Variants in SEMA3A observed in about 807,000 individuals in gnomAD.
SEMA3A encodes the protein semaphorin 3A, also known as semaphorin-3A.
Under a neutral mutation model 97.9 loss-of-function variants are expected in SEMA3A, and 29 were observed. The observed-to-expected ratio is 0.30, with a 90% confidence interval of 0.22 to 0.40. The LOEUF (loss-of-function observed/expected upper bound fraction) is 0.40, where lower values mean the gene tolerates loss of function less well. SEMA3A is among the 10% of genes least tolerant of loss of function. SEMA3A has a pLI of 1.00. For synonymous variants in SEMA3A, 321 were observed against 323.7 expected (o/e 0.99, Z 0.09); for missense variants, 763 against 951.3 (o/e 0.80, Z 2.60).
At chr7:84,346,083 A>G (rs1041516772) in intron 2 of SEMA3A, among the ~76,000 whole-genome samples, 1 of 152,150 alleles carries the variant, frequency 6.6e-6, no homozygotes, top group African/African-American at 2.4e-5. Context: ...TTCACCTTAC[A>G]CTTGTAAGTT....
At chr7:84,224,724 A>G (rs956329545) in intron 3 of SEMA3A, among the ~76,000 whole-genome samples, 2 of 151,970 alleles carry the variant, frequency 1.3e-5, no homozygotes, top group Non-Finnish European at 2.9e-5. Context: ...TTGTCACATC[A>G]CCCACTGGGA....
At chr7:83,981,257 T>G in intron 14 of SEMA3A, 64 bp downstream of exon 14, 1 of 1,563,466 alleles carries the variant, frequency 6.4e-7, no homozygotes, top group Non-Finnish European at 8.7e-7. Context: ...AGAAAGCTAT[T>G]TCAAACTTGG....
At chr7:84,212,262 C>T (rs1332941736) in intron 3 of SEMA3A, among the ~76,000 whole-genome samples, 4 of 152,076 alleles carry the variant, frequency 2.6e-5, no homozygotes, top group Non-Finnish European at 5.9e-5. Context: ...TATTTTCTGT[C>T]CTAGAAGTTT....
At chr7:84,474,543 A>T (rs1231134860) in intron 1 of SEMA3A, among the ~76,000 whole-genome samples, 1 of 152,124 alleles carries the variant, frequency 6.6e-6, no homozygotes, top group African/African-American at 2.4e-5. Flanking sequence ...TGTATCCTCT[A>T]GGTAGGTGTA....
rs74763981 is a variant in SEMA3A at position 84,288,422 on chromosome 7, A to G, written c.-83+18785T>C. Among the ~76,000 whole-genome samples the G allele has an allele frequency of 7.0e-3, 1,061 of 152,296 alleles. 12 individuals are homozygous for G. The highest frequency in any genetic ancestry group is 0.025 in the African/African-American group (1,019 of 41,572). On this transcript the variant is annotated intron_variant, in intron 3 of 3. Transcript: ENST00000424555. ...TCTAATCAATGCATTTTATAAATGA[A>G]CACAATGAGGTCACAGAAGTTCAAA...
chr7:84,029,810 T>TACACACAC (rs34158057), intron 6 of SEMA3A, among the ~76,000 whole-genome samples: 2,457 of 116,826 alleles, frequency 0.021, 84 homozygotes, highest in African/African-American at 0.08. Context: ...CCCTTCCATA[T>TACACACAC]ACACACACAC....
At chr7:84,487,948 G>A (rs1031105071) in intron 1 of SEMA3A, among the ~76,000 whole-genome samples, 5 of 151,976 alleles carry the variant, frequency 3.3e-5, no homozygotes, top group Non-Finnish European at 5.9e-5. Context: ...AGGTTTGAAG[G>A]AACTTCCTCA....
intron 1 of SEMA3A, among the ~76,000 whole-genome samples, chr7:84,380,132 A>G (rs1803219859): frequency 1.3e-5 from 2 of 152,178 alleles, no homozygotes; most frequent in African/African-American, 4.8e-5. Context: ...TTTCTGCAAT[A>G]TATTTTAATT....
chr7:84,416,100 T>G (rs1012337504), intron 1 of SEMA3A, among the ~76,000 whole-genome samples: 1 of 152,134 alleles, frequency 6.6e-6, no homozygotes. Context: ...CTAAAAGTAC[T>G]GATATGGTTT....
chr7:84,409,945 T>C (rs1405942140), intron 1 of SEMA3A, among the ~76,000 whole-genome samples: 2 of 152,140 alleles, frequency 1.3e-5, no homozygotes, highest in African/African-American at 4.8e-5. Context: ...GAAATAAATG[T>C]AAATTTTACT....
chr7:84,321,013 C>T (rs924878905), intron 2 of SEMA3A, among the ~76,000 whole-genome samples: 5 of 152,130 alleles, frequency 3.3e-5, no homozygotes, highest in African/African-American at 1.2e-4. Flanking sequence ...ATGTATTTAG[C>T]TGAATTTCAT....
At chr7:84,384,657 C>T (rs928473276) in intron 1 of SEMA3A, among the ~76,000 whole-genome samples, 2 of 152,106 alleles carry the variant, frequency 1.3e-5, no homozygotes, top group Non-Finnish European at 2.9e-5. Flanking sequence ...ACTGTGTCAT[C>T]TCTTGTCCTA....
At chr7:84,081,785 T>C (rs1410474274) in intron 4 of SEMA3A, among the ~76,000 whole-genome samples, 1 of 151,914 alleles carries the variant, frequency 6.6e-6, no homozygotes, top group Admixed American at 6.6e-5. Flanking sequence ...CATACAAGTG[T>C]ATAAATAAAT....
chr7:84,440,121 G>A lies in SEMA3A; in HGVS notation c.-246+52339C>T, dbSNP rs369000730. On this transcript the variant is annotated intron_variant, in intron 1 of 3. Transcript: ENST00000424555. The stretch of plus-strand genomic sequence containing the variant: ...CAGAAGATTCTGGGAAAATGGCAGC[G>A]TGTAAAGCACTAGGAATCTGTCTCC... Among the ~76,000 whole-genome samples, 107 of 152,250 alleles carry A rather than the reference G, an allele frequency of 7.0e-4. 1 individual carries two copies. Among genetic ancestry groups the A allele is most frequent in the African/African-American group, 2.4e-3 (98 of 41,558 alleles).
chr7:84,070,479 AGTT>A (rs1793698394), intron 4 of SEMA3A, among the ~76,000 whole-genome samples: 1 of 152,140 alleles, frequency 6.6e-6, no homozygotes, highest in Non-Finnish European at 1.5e-5. Flanking sequence ...TTGTAATTTT[AGTT>A]GTTGTGTTTA....
In SEMA3A at chr7:84,050,119, G is replaced by A. The variant is rs555046478; in HGVS notation, c.548-3676C>T. On this transcript the variant is annotated intron_variant, in intron 5 of 16. Coordinates refer to ENST00000265362, the MANE Select transcript of SEMA3A (RefSeq NM_006080.3). ...TTTCTTAATCCAGTCTATCATTGTT[G>A]GACATTTGGGTTGGTTCCAAGTCTT... Among the ~76,000 whole-genome samples, 408 of 151,458 alleles carry A rather than the reference G, an allele frequency of 2.7e-3. 1 individual carries two copies. Among genetic ancestry groups the A allele is most frequent in the African/African-American group, 9.4e-3 (388 of 41,300 alleles).
At chr7:84,361,460 A>G (rs1802717141) in intron 2 of SEMA3A, among the ~76,000 whole-genome samples, 2 of 152,080 alleles carry the variant, frequency 1.3e-5, no homozygotes, top group South Asian at 4.1e-4. Flanking sequence ...AGGAAATTCT[A>G]CTACTCAGCT....
chr7:84,451,154 T>A (rs1391974145), intron 1 of SEMA3A, among the ~76,000 whole-genome samples: 1 of 152,176 alleles, frequency 6.6e-6, no homozygotes, highest in East Asian at 1.9e-4. Flanking sequence ...TAGATTTAAG[T>A]TTTTAGTCCA....
chr7:84,245,782 G>A (rs972678531), intron 3 of SEMA3A, among the ~76,000 whole-genome samples: 1 of 152,040 alleles, frequency 6.6e-6, no homozygotes, highest in African/African-American at 2.4e-5. Context: ...CATATGAGGT[G>A]TCTGTTGACC....
Sources: allele counts gnomAD v4.1 joint callset (sites outside exome capture counted in the v4.1 genomes callset), GRCh38; gene constraint gnomAD v4.1.1; transcripts MANE v1.5; gene names NCBI Gene and HGNC (gene_info 2026-07-23, HGNC 2026-07-21).